The following GHR variants were observed in gnomAD, a reference collection of about 807,000 sequenced individuals.
The protein encoded by GHR is growth hormone receptor, also known as GH receptor.
Under a neutral mutation model 67.1 loss-of-function variants are expected in GHR, and 35 were observed. The ratio of observed to expected loss-of-function variants is 0.52; its 90% CI spans 0.40 to 0.69. The LOEUF (loss-of-function observed/expected upper bound fraction) is 0.69, where lower values mean the gene tolerates loss of function less well. Ranked by LOEUF, GHR falls within the 30% of genes least tolerant of loss-of-function variation. The probability of loss-of-function intolerance (pLI) is 0.00; values close to 1 mark genes in which losing one functional copy is unlikely to be tolerated. For synonymous variants in GHR, 272 were observed against 269.1 expected, an observed-to-expected ratio of 1.01 and a Z score of -0.10; for missense variants, 792 against 764.6, an observed-to-expected ratio of 1.04 and a Z score of -0.42.
chr5:42,617,066 G>C (rs1448429116), intron 2 of GHR, among the ~76,000 whole-genome samples: 1 of 151,926 alleles, frequency 6.6e-6, no homozygotes, highest in Admixed American at 6.6e-5. Flanking sequence ...ATTCCTGGGA[G>C]CGCAACCCCT....
At chr5:42,508,250 C>T (rs972744691) in intron 1 of GHR, among the ~76,000 whole-genome samples, 6 of 152,238 alleles carry the variant, frequency 3.9e-5, no homozygotes, top group East Asian at 3.9e-4. Flanking sequence ...TCTGATAGCT[C>T]ACCAAAGGGG....
intron 1 of GHR, among the ~76,000 whole-genome samples, chr5:42,460,222 C>G (rs1744431867): frequency 6.6e-6 from 1 of 152,186 alleles, no homozygotes; most frequent in South Asian, 2.1e-4. Flanking sequence ...ACTTCCCGAC[C>G]TCCAGAACTG....
intron 1 of GHR, among the ~76,000 whole-genome samples, chr5:42,545,210 G>T (rs536736707): frequency 6.6e-6 from 1 of 152,230 alleles, no homozygotes; most frequent in Non-Finnish European, 1.5e-5. Flanking sequence ...TCAGCCTTTG[G>T]TATTAGGACT....
intron 8 of GHR, 107 bp from the exon 9 acceptor site, chr5:42,717,945 A>G: frequency 1.4e-6 from 1 of 697,528 alleles, no homozygotes; most frequent in Non-Finnish European, 2.7e-6. Flanking sequence ...GTACCAGAAT[A>G]TTTGGAAAAA....
At chr5:42,627,858 C>T (rs1753781953) in intron 2 of GHR, among the ~76,000 whole-genome samples, 1 of 152,232 alleles carries the variant, frequency 6.6e-6, no homozygotes, top group African/African-American at 2.4e-5. Context: ...GCCAGTGTGA[C>T]AGCTTTCTGT....
chr5:42,543,975 T>G (rs1372816837), intron 1 of GHR, among the ~76,000 whole-genome samples: 1 of 152,086 alleles, frequency 6.6e-6, no homozygotes, highest in Non-Finnish European at 1.5e-5. Context: ...AAAGTACAAC[T>G]TTGCACTGCC....
At chr5:42,686,568 T>G (rs1390118235) in intron 3 of GHR, among the ~76,000 whole-genome samples, 1 of 152,106 alleles carries the variant, frequency 6.6e-6, no homozygotes, top group East Asian at 1.9e-4. Context: ...ACAGAACCAG[T>G]GACAAAACCA....
At chr5:42,475,934 C>T (rs1319425187) in intron 1 of GHR, among the ~76,000 whole-genome samples, 1 of 108,254 alleles carries the variant, frequency 9.2e-6, no homozygotes, top group Non-Finnish European at 2.0e-5. Flanking sequence ...GAGACGGAGT[C>T]TCGCTCTGTC....
intron 2 of GHR, among the ~76,000 whole-genome samples, chr5:42,585,661 A>G (rs189858296): frequency 4.8e-4 from 73 of 152,364 alleles, no homozygotes; most frequent in Non-Finnish European, 8.5e-4. Flanking sequence ...AGAAAACTTA[A>G]TCTCCCAAAT....
chr5:42,629,154 G>C lies in GHR; in HGVS notation c.136+51G>C, dbSNP rs1311062704. ...CTTCAATGATATTTTCCATGTTTTA[G>C]TGTAATTAAGCTACTATCCTTTCTC... On this transcript the variant is annotated intron_variant, in intron 3 of 9. Coordinates refer to ENST00000230882, the MANE Select transcript of GHR (RefSeq NM_000163.5). 3.9e-5 allele frequency: 36 copies of C among 930,664 alleles called. 7 individuals carry two copies. The highest frequency in any genetic ancestry group is 5.6e-5 in the Non-Finnish European group (33 of 589,618). The allele number at this position is 930,664 out of a possible 1,614,324, so 57.7% of individuals were successfully genotyped here.
At chr5:42,676,251 C>A (rs1756569702) in intron 3 of GHR, among the ~76,000 whole-genome samples, 1 of 151,992 alleles carries the variant, frequency 6.6e-6, no homozygotes, top group Non-Finnish European at 1.5e-5. Context: ...CACCACTGCA[C>A]TCCAACTTGG....
At chr5:42,707,892 G>A (rs757735665) in intron 6 of GHR, among the ~76,000 whole-genome samples, 5 of 151,588 alleles carry the variant, frequency 3.3e-5, no homozygotes, top group Non-Finnish European at 4.4e-5. Flanking sequence ...TAATAATTTT[G>A]TCTTTTAACC....
Position 42,424,425 on chromosome 5 carries a change from CG to C in GHR, c.-12+474del, listed in dbSNP as rs1742751141. On this transcript the variant is annotated intron_variant, in intron 1 of 9. Transcript: ENST00000230882. This position sits in a 1 kb window ranked among gnomAD's most constrained non-coding sequence, Gnocchi z 4.1. ...AACTGCCGAGGCTGCTGCTGTTGCG[CG>C]GGGAAGAATCCCCGGCAGCGCGACT... 4 of 621,516 alleles carry C rather than the reference CG, an allele frequency of 6.4e-6. No homozygotes were observed. In the South Asian group the frequency reaches 7.5e-5, roughly 12 times the overall value. 38.5% of individuals were successfully genotyped at this position (621,516 alleles called of 1,614,324 possible). A position where few individuals can be genotyped will look rare whatever the true frequency, so the allele number is the denominator to read the frequency against.
chr5:42,609,846 C>T (rs1752803378), intron 2 of GHR, among the ~76,000 whole-genome samples: 1 of 152,176 alleles, frequency 6.6e-6, no homozygotes, highest in Non-Finnish European at 1.5e-5. Context: ...CCATCTGTGT[C>T]CTCTGTCATA....
chr5:42,710,919 T>C (rs1181972164), intron 6 of GHR, among the ~76,000 whole-genome samples: 1 of 152,186 alleles, frequency 6.6e-6, no homozygotes, highest in African/African-American at 2.4e-5. Context: ...TATACTTTAA[T>C]CTTATTAACT....
rs556356811 is a variant in GHR, at chr5:42,424,757, G to A, written c.-12+802G>A. 5.1e-4 allele frequency among the ~76,000 whole-genome samples: 77 copies of A among 152,360 alleles called. No homozygotes were observed. Among genetic ancestry groups the A allele is most frequent in the African/African-American group, 1.8e-3 (74 of 41,594 alleles). ...AGGGCGCTGGCGGCGCAGAGGGTGCGGGGCAGGGCACTTGCGAGTGCGTGG... is the reference window on the plus strand; with the variant it reads ...AGGGCGCTGGCGGCGCAGAGGGTGCAGGGCAGGGCACTTGCGAGTGCGTGG... On this transcript the variant is annotated intron_variant, in intron 1 of 9. Coordinates refer to ENST00000230882, the MANE Select transcript of GHR (RefSeq NM_000163.5). The surrounding 1 kb of genome is among the most constrained non-coding windows in gnomAD (Gnocchi z 4.1).
chr5:42,481,527 A>G (rs1236129057), intron 1 of GHR, among the ~76,000 whole-genome samples: 4 of 151,332 alleles, frequency 2.6e-5, no homozygotes, highest in East Asian at 2.0e-4. Flanking sequence ...AGGTACACCA[A>G]TCAGACGTAG....
chr5:42,524,035 C>T (rs748773423), intron 1 of GHR, among the ~76,000 whole-genome samples: 5 of 152,148 alleles, frequency 3.3e-5, no homozygotes, highest in Non-Finnish European at 5.9e-5. Flanking sequence ...GTTTCTGGTA[C>T]GTCTTTATCT....
intron 2 of GHR, among the ~76,000 whole-genome samples, chr5:42,614,068 T>G (rs531989711): frequency 6.6e-6 from 1 of 152,108 alleles, no homozygotes; most frequent in Admixed American, 6.6e-5. Flanking sequence ...CTTCTCAAAC[T>G]ATAGCTTAGT....
Sources: allele counts gnomAD v4.1 joint callset (sites outside exome capture counted in the v4.1 genomes callset), GRCh38; gene constraint gnomAD v4.1.1; non-coding constraint Gnocchi (gnomAD v3.1); transcripts MANE v1.5; gene names NCBI Gene and HGNC (gene_info 2026-07-23, HGNC 2026-07-21).